RBFOX1: variants seen among roughly 807,000 people sequenced by gnomAD.
RBFOX1 encodes the protein RNA binding fox-1 homolog 1.
A neutral mutation model predicts 57.7 loss-of-function variants in RBFOX1; 8 were observed. The observed-to-expected ratio is 0.14, with a 90% CI of 0.08 to 0.25. The LOEUF (loss-of-function observed/expected upper bound fraction) is 0.25. Among genes scored for constraint, RBFOX1 ranks in the 10% least tolerant of loss-of-function variants. The probability of loss-of-function intolerance (pLI) is 1.00; values close to 1 mark genes in which losing one functional copy is unlikely to be tolerated. For synonymous variants in RBFOX1, 326 were observed against 222.4 expected (o/e 1.47, Z -4.15); for missense variants, 611 against 548.5 (o/e 1.11, Z -1.14).
intron 2 of RBFOX1, among the ~76,000 whole-genome samples, chr16:6,432,231 A>T (rs2094120550): frequency 6.6e-6 from 1 of 152,054 alleles, no homozygotes; most frequent in African/African-American, 2.4e-5. Flanking sequence ...GGCTTCCCAA[A>T]GTGCTAGGAT....
At chr16:5,899,143 T>TAAA (rs2058243146) in intron 4 of RBFOX1, among the ~76,000 whole-genome samples, 1 of 51,372 alleles carries the variant, frequency 1.9e-5, no homozygotes, top group African/African-American at 8.4e-5. Flanking sequence ...AGACCCTGTC[T>TAAA]CAAAAAAAAA....
At chr16:6,773,931 GTGTT>G (rs1279653188) in intron 3 of RBFOX1, 67 of 985,148 alleles carry the variant, frequency 6.8e-5, no homozygotes, top group Non-Finnish European at 8.0e-5. Flanking sequence ...GGTGTGGAGT[GTGTT>G]TGTGTGTGTG....
At chr16:5,783,263 C>CT (rs2054386173) in intron 3 of RBFOX1, among the ~76,000 whole-genome samples, 1 of 152,284 alleles carries the variant, frequency 6.6e-6, no homozygotes, top group Middle Eastern at 3.4e-3. Context: ...GTGTAACTAT[C>CT]TTTTCAATCT....
chr16:6,989,967 C>G (rs1184893486), intron 3 of RBFOX1, among the ~76,000 whole-genome samples: 1 of 152,140 alleles, frequency 6.6e-6, no homozygotes, highest in African/African-American at 2.4e-5. Flanking sequence ...CACCACCGCA[C>G]TCCAGCCTGG....
intron 3 of RBFOX1, among the ~76,000 whole-genome samples, chr16:6,868,585 C>G (rs1183566544): frequency 6.6e-6 from 1 of 152,104 alleles, no homozygotes; most frequent in East Asian, 1.9e-4. Context: ...AATTCTCCTG[C>G]TTTAGCGTCC....
intron 1 of RBFOX1, among the ~76,000 whole-genome samples, chr16:6,275,246 G>A (rs937117433): frequency 6.6e-6 from 1 of 152,016 alleles, no homozygotes; most frequent in Non-Finnish European, 1.5e-5. Flanking sequence ...AGGAGGTGGA[G>A]CTTGCAGTGA....
intron 14 of RBFOX1, among the ~76,000 whole-genome samples, chr16:7,686,981 T>C (rs965516579): frequency 1.3e-5 from 2 of 152,100 alleles, no homozygotes; most frequent in Admixed American, 1.3e-4. Context: ...CCTTATCTTC[T>C]TTCTGTTTAA....
chr16:6,892,803 T>TCTCTCC (rs1344463365), intron 3 of RBFOX1, among the ~76,000 whole-genome samples: 1 of 142,244 alleles, frequency 7.0e-6, no homozygotes, highest in African/African-American at 2.7e-5. Context: ...TCTCTCTCTC[T>TCTCTCC]CTCTCTCTCT....
intron 3 of RBFOX1, among the ~76,000 whole-genome samples, chr16:6,749,977 C>G (rs139703480): frequency 5.9e-4 from 90 of 152,200 alleles, no homozygotes; most frequent in African/African-American, 1.4e-3. Flanking sequence ...AAAGATGGTG[C>G]TCTCAGAGTT....
intron 2 of RBFOX1, among the ~76,000 whole-genome samples, chr16:5,523,242 C>T (rs562632104): frequency 2.0e-5 from 3 of 151,548 alleles, no homozygotes; most frequent in East Asian, 2.0e-4. Flanking sequence ...GCCGAGATCG[C>T]GCCATGGCAC....
chr16:6,659,851 G>C (rs115544889), intron 3 of RBFOX1, among the ~76,000 whole-genome samples: 1,748 of 152,212 alleles, frequency 0.011, 35 homozygotes, highest in African/African-American at 0.039. Flanking sequence ...CTGGAGTGCT[G>C]ACCTCAGTTT....
At chr16:5,700,088 TCC>T (rs1190331132) in intron 3 of RBFOX1, among the ~76,000 whole-genome samples, 1 of 152,214 alleles carries the variant, frequency 6.6e-6, no homozygotes, top group Admixed American at 6.5e-5. Context: ...CGCCTTGGCC[TCC>T]CAAAGTGCTG....
At chr16:7,278,439 A>G (rs922587322) in intron 4 of RBFOX1, among the ~76,000 whole-genome samples, 1 of 152,214 alleles carries the variant, frequency 6.6e-6, no homozygotes. Context: ...TTTGAAGGCC[A>G]ACCATTTAGA....
intron 4 of RBFOX1, among the ~76,000 whole-genome samples, chr16:7,413,788 A>G (rs922670062): frequency 3.3e-5 from 5 of 152,152 alleles, no homozygotes; most frequent in African/African-American, 9.7e-5. Context: ...GTAGCTTTGT[A>G]GAGCTGGATC....
At chr16:7,676,368 T>C (rs1415235057) in intron 13 of RBFOX1, among the ~76,000 whole-genome samples, 5 of 152,208 alleles carry the variant, frequency 3.3e-5, no homozygotes, top group Non-Finnish European at 5.9e-5. Flanking sequence ...ATAAGAACTG[T>C]TTGAATAAAA....
At chr16:6,078,514 C>T (rs370303521) in intron 1 of RBFOX1, among the ~76,000 whole-genome samples, 24 of 152,246 alleles carry the variant, frequency 1.6e-4, no homozygotes, top group African/African-American at 5.8e-4. Context: ...AAAGACTGGA[C>T]ACCCCTGTTC....
chr16:6,918,274 T>C (rs1354675732), intron 3 of RBFOX1, among the ~76,000 whole-genome samples: 8 of 127,010 alleles, frequency 6.3e-5, no homozygotes, highest in East Asian at 2.3e-4. Context: ...AGAGCAAGAC[T>C]CCATCTCAAA....
At chr16:5,411,133 C>T (rs1168774459) in intron 1 of RBFOX1, among the ~76,000 whole-genome samples, 2 of 152,126 alleles carry the variant, frequency 1.3e-5, no homozygotes, top group African/African-American at 4.8e-5. Context: ...TGGGCGGAGG[C>T]CAGAGGGCAG....
At chr16:6,371,341 T>A (rs1270190015) in intron 2 of RBFOX1, among the ~76,000 whole-genome samples, 2 of 152,216 alleles carry the variant, frequency 1.3e-5, no homozygotes, top group African/African-American at 4.8e-5. Flanking sequence ...TATGTGTGGG[T>A]TGGCATTCTA....
Sources: gnomAD v4.1 joint callset for allele counts (sites outside exome capture counted in the v4.1 genomes callset) on GRCh38, gnomAD v4.1.1 for gene constraint, MANE v1.5 for transcripts, NCBI Gene and HGNC (gene_info 2026-07-23, HGNC 2026-07-21) for gene names.